CPQ: variants seen among roughly 807,000 people sequenced by gnomAD.
CPQ encodes carboxypeptidase Q, also known as Ser-Met dipeptidase.
A neutral mutation model predicts 45.7 loss-of-function variants in CPQ; 37 were observed. The ratio of observed to expected loss-of-function variants is 0.81; its 90% CI spans 0.62 to 1.07. The LOEUF (loss-of-function observed/expected upper bound fraction) is 1.07, where lower values mean the gene tolerates loss of function less well. CPQ is among the 50% of genes least tolerant of loss of function. The probability of loss-of-function intolerance (pLI) is 0.00; values close to 1 mark genes in which losing one functional copy is unlikely to be tolerated. For synonymous variants in CPQ, 186 were observed against 205.8 expected (o/e 0.90, Z 0.82); for missense variants, 537 against 572.9 (o/e 0.94, Z 0.64).
intron 1 of CPQ, among the ~76,000 whole-genome samples, chr8:96,777,740 A>G (rs1563494351): frequency 2.6e-4 from 2 of 7,840 alleles, no homozygotes; most frequent in African/African-American, 1.1e-3. Context: ...ATATATATAT[A>G]TATATATATA....
chr8:97,039,652 G>A (rs1275167563), intron 6 of CPQ, among the ~76,000 whole-genome samples: 1 of 145,572 alleles, frequency 6.9e-6, no homozygotes, highest in Non-Finnish European at 1.5e-5. Flanking sequence ...CCCCACAACA[G>A]TCCCCAGAGT....
intron 1 of CPQ, among the ~76,000 whole-genome samples, chr8:96,711,081 G>GC (rs971168760): frequency 8.6e-5 from 13 of 151,552 alleles, no homozygotes; most frequent in African/African-American, 2.4e-4. Context: ...GACCTTTTTT[G>GC]CCCCCCCTTT....
chr8:96,887,193 A>C (rs143856074), intron 4 of CPQ, among the ~76,000 whole-genome samples: 1 of 152,344 alleles, frequency 6.6e-6, no homozygotes, highest in African/African-American at 2.4e-5. Context: ...TAGATGCACT[A>C]CTAATCATAT....
chr8:96,730,752 T>C (rs1458227959), intron 1 of CPQ, among the ~76,000 whole-genome samples: 1 of 151,408 alleles, frequency 6.6e-6, no homozygotes, highest in Admixed American at 6.6e-5. Flanking sequence ...GAAATTCTGA[T>C]AGAATTTGTC....
Position 97,063,444 on chromosome 8 carries a change from A to G in CPQ, c.1054-2565A>G, listed in dbSNP as rs893300903. 2.0e-5 allele frequency among the ~76,000 whole-genome samples: 3 copies of G among 152,218 alleles called. No individual in the cohort carries two copies. In the South Asian group the frequency reaches 6.2e-4, roughly 32 times the overall value. ...TGCAGGTTGTCTGTTTACTCTGTTG[A>G]TAGTTTCTTTTGCTGTACAGAAACT... On this transcript the variant is annotated intron_variant, in intron 6 of 7. Coordinates refer to ENST00000220763, the MANE Select transcript of CPQ (RefSeq NM_016134.4).
intron 1 of CPQ, among the ~76,000 whole-genome samples, chr8:96,649,380 A>G (rs186866134): frequency 2.2e-3 from 332 of 152,380 alleles, no homozygotes; most frequent in Non-Finnish European, 3.5e-3. Context: ...TTGGGGAAGG[A>G]AGAGCCAGAA....
intron 1 of CPQ, among the ~76,000 whole-genome samples, chr8:96,683,556 G>A (rs1411220167): frequency 1.3e-5 from 2 of 152,048 alleles, no homozygotes; most frequent in African/African-American, 4.8e-5. Flanking sequence ...GTACCTGGAT[G>A]CCTAAATCTC....
At chr8:96,793,757 A>G (rs946614600) in intron 2 of CPQ, among the ~76,000 whole-genome samples, 3 of 152,182 alleles carry the variant, frequency 2.0e-5, no homozygotes, top group Admixed American at 2.0e-4. Flanking sequence ...GTTACTTCCT[A>G]GATACAATGG....
At position 96,787,693 on chromosome 8, in the gene CPQ, C is replaced by T. The variant is rs137917667; in HGVS notation, c.433+2363C>T. ...TTCACCAGTGAAGCAATCTCATTCA[C>T]GCTTTTCTTTGTGGGAAGATTTTTA... On this transcript the variant is annotated intron_variant, in intron 2 of 7. Transcript: ENST00000220763. Among the ~76,000 whole-genome samples, 28 of 151,620 alleles carry T rather than the reference C, an allele frequency of 1.8e-4. 1 individual carries two copies. In the East Asian group the frequency reaches 4.3e-3, roughly 23 times the overall value.
chr8:96,653,336 T>C (rs1815599987), intron 1 of CPQ, among the ~76,000 whole-genome samples: 1 of 152,266 alleles, frequency 6.6e-6, no homozygotes, highest in African/African-American at 2.4e-5. Context: ...TTGAGCATTT[T>C]TTAATATATC....
At chr8:96,908,381 T>C (rs1364459416) in intron 4 of CPQ, among the ~76,000 whole-genome samples, 106 of 152,230 alleles carry the variant, frequency 7.0e-4, no homozygotes, top group Non-Finnish European at 3.5e-4. Context: ...AGATTAGTGA[T>C]GTAGACTGGA....
chr8:96,861,381 G>T (rs1811923987), intron 3 of CPQ, among the ~76,000 whole-genome samples: 1 of 152,114 alleles, frequency 6.6e-6, no homozygotes, highest in Admixed American at 6.6e-5. Context: ...TGCGGTCAGA[G>T]CTGAGAGGAC....
chr8:97,136,538 C>T (rs965054905), intron 7 of CPQ, among the ~76,000 whole-genome samples: 8 of 152,290 alleles, frequency 5.3e-5, no homozygotes, highest in Admixed American at 4.6e-4. Context: ...TTCAAAGTCA[C>T]CCAGGTTTTA....
At chr8:97,134,840 G>A (rs947596278) in intron 7 of CPQ, among the ~76,000 whole-genome samples, 2 of 152,050 alleles carry the variant, frequency 1.3e-5, no homozygotes, top group Non-Finnish European at 2.9e-5. Context: ...TCCCTCATAG[G>A]GCCAATTCAA....
intron 5 of CPQ, among the ~76,000 whole-genome samples, chr8:97,011,212 G>T (rs1483595817): frequency 1.3e-5 from 2 of 152,158 alleles, no homozygotes; most frequent in Non-Finnish European, 2.9e-5. Context: ...TTCAACTTCT[G>T]ACTGTCTTAG....
At chr8:96,806,250 A>G (rs1299304199) in intron 2 of CPQ, among the ~76,000 whole-genome samples, 1 of 152,010 alleles carries the variant, frequency 6.6e-6, no homozygotes, top group Non-Finnish European at 1.5e-5. Context: ...TTATTTATTT[A>G]TTGGAAAATA....
At chr8:97,031,173 G>A (rs995037627) in intron 6 of CPQ, among the ~76,000 whole-genome samples, 2 of 145,648 alleles carry the variant, frequency 1.4e-5, no homozygotes, top group Admixed American at 7.1e-5. Flanking sequence ...AAAAAGAATA[G>A]TTAAAAGAAC....
chr8:96,843,920 T>C (rs1811650941), intron 3 of CPQ, among the ~76,000 whole-genome samples: 1 of 152,240 alleles, frequency 6.6e-6, no homozygotes, highest in Admixed American at 6.5e-5. Flanking sequence ...ATGGTCTGTT[T>C]GCATTTCTAG....
At chr8:96,700,721 C>G (rs1312085682) in intron 1 of CPQ, among the ~76,000 whole-genome samples, 1 of 152,120 alleles carries the variant, frequency 6.6e-6, no homozygotes, top group African/African-American at 2.4e-5. Flanking sequence ...TCCCACTGCT[C>G]TAATGCGTGG....
Sources: gnomAD v4.1 joint callset for allele counts (sites outside exome capture counted in the v4.1 genomes callset) on GRCh38, gnomAD v4.1.1 for gene constraint, MANE v1.5 for transcripts, NCBI Gene and HGNC (gene_info 2026-07-23, HGNC 2026-07-21) for gene names.